Variants in FAM107B observed in about 807,000 individuals in gnomAD.
FAM107B encodes family with sequence similarity 107 member B.
In FAM107B, 21 loss-of-function variants were observed where a neutral mutation model predicts 31.5. The ratio of observed to expected loss-of-function variants is 0.67; its 90% CI spans 0.47 to 0.96. The LOEUF is 0.96. FAM107B is among the 40% of genes least tolerant of loss of function. The pLI, the probability that FAM107B is intolerant of heterozygous loss-of-function variation, is 0.00. For synonymous variants in FAM107B, 157 were observed against 141.5 expected (o/e 1.11, Z -0.78); for missense variants, 452 against 377.1 (o/e 1.20, Z -1.64).
intron 1 of FAM107B, among the ~76,000 whole-genome samples, chr10:14,700,225 G>A (rs549305033): frequency 3.4e-4 from 52 of 152,228 alleles, no homozygotes; most frequent in African/African-American, 8.7e-4. Flanking sequence ...GAGCCACCGC[G>A]CCAGGCCAGG....
chr10:14,645,641 C>T (rs940613059), intron 2 of FAM107B, among the ~76,000 whole-genome samples: 11 of 152,304 alleles, frequency 7.2e-5, no homozygotes, highest in East Asian at 1.9e-4. Flanking sequence ...GCTACTGAGA[C>T]GTATTTTTCT....
intron 2 of FAM107B, among the ~76,000 whole-genome samples, chr10:14,584,612 T>G (rs930588203): frequency 3.9e-5 from 6 of 152,150 alleles, no homozygotes; most frequent in African/African-American, 1.4e-4. Context: ...TGCAGTGCTC[T>G]CCCTACAATT....
chr10:14,548,547 C>G lies in FAM107B; in HGVS notation c.470-18032G>C, dbSNP rs1029977424. The stretch of plus-strand genomic sequence containing the variant: ...TTGGAGGTGGCAGGAGGAACCTGGG[C>G]TCTTCTCCTAGCCCTGCCTCAGCTG... On this transcript the variant is annotated intron_variant, in intron 2 of 4. Coordinates refer to ENST00000181796, the MANE Select transcript of FAM107B (RefSeq NM_031453.4). 5.1e-6 allele frequency: 5 copies of G among 985,358 alleles called. No homozygotes were observed. In the African/African-American group the frequency reaches 8.7e-5, roughly 17 times the overall value. 61.0% of individuals were successfully genotyped at this position (985,358 alleles called of 1,614,324 possible).
chr10:14,711,923 T>G (rs1257471720), intron 1 of FAM107B, among the ~76,000 whole-genome samples: 3 of 152,168 alleles, frequency 2.0e-5, no homozygotes, highest in African/African-American at 7.2e-5. Flanking sequence ...GGATTACAGG[T>G]GTGCGCCACC....
chr10:14,667,921 T>C (rs1471506990), intron 1 of FAM107B, among the ~76,000 whole-genome samples: 2 of 152,202 alleles, frequency 1.3e-5, no homozygotes. Flanking sequence ...CAGGGTGCTA[T>C]TCACATGGTA....
At chr10:14,528,173 G>GGT (rs1491405325) in intron 3 of FAM107B, 1 of 78,628 alleles carries the variant, frequency 1.3e-5, no homozygotes, top group Non-Finnish European at 2.4e-5. Flanking sequence ...TTTAAGTTTT[G>GGT]GTTTTTTTTT....
chr10:14,616,165 A>AGT (rs1852844859), intron 2 of FAM107B, among the ~76,000 whole-genome samples: 1 of 152,198 alleles, frequency 6.6e-6, no homozygotes, highest in Non-Finnish European at 1.5e-5. Context: ...CTTGTGGATG[A>AGT]CTGAACTGAG....
chr10:14,585,800 A>C (rs953690763), intron 2 of FAM107B, among the ~76,000 whole-genome samples: 1 of 152,124 alleles, frequency 6.6e-6, no homozygotes, highest in African/African-American at 2.4e-5. Context: ...ACACATAACA[A>C]ATACTTCTCT....
chr10:14,632,455 CA>C (rs1467109702), intron 2 of FAM107B, among the ~76,000 whole-genome samples: 1 of 151,134 alleles, frequency 6.6e-6, no homozygotes, highest in Non-Finnish European at 1.5e-5. Context: ...ACTAAAAATA[CA>C]AAATATTAGC....
intron 1 of FAM107B, among the ~76,000 whole-genome samples, chr10:14,689,154 C>G (rs1021911694): frequency 3.3e-5 from 5 of 151,954 alleles, no homozygotes; most frequent in Non-Finnish European, 7.4e-5. Flanking sequence ...TAATGGTGGA[C>G]AGACTGCTTG....
intron 1 of FAM107B, among the ~76,000 whole-genome samples, chr10:14,731,891 C>A (rs1469831005): frequency 6.6e-6 from 1 of 152,198 alleles, no homozygotes; most frequent in African/African-American, 2.4e-5. Flanking sequence ...GATGTTCACA[C>A]AACGATAAAA....
intron 2 of FAM107B, among the ~76,000 whole-genome samples, chr10:14,545,990 A>C (rs904635610): frequency 1.3e-5 from 2 of 152,254 alleles, no homozygotes; most frequent in African/African-American, 4.8e-5. Context: ...GCTAGCTTTC[A>C]AAGCCCTCAA....
rs180707428 is a variant in FAM107B, at chr10:14,518,943, G to A, written c.*2247C>T. 1 of 152,618 alleles carries A rather than the reference G, an allele frequency of 6.6e-6. No individual in the cohort carries two copies. Among genetic ancestry groups the A allele is most frequent in the East Asian group, 1.9e-4 (1 of 5,190 alleles). The allele number at this position is 152,618 out of a possible 1,614,324, so 9.5% of individuals were successfully genotyped here. Reference sequence around the variant, plus strand: ...GAGTTTGGGCTGCACAGTATTAAGGGGTGAGAGGAGACCGACAGCCTGTTT... The same window carrying A: ...GAGTTTGGGCTGCACAGTATTAAGGAGTGAGAGGAGACCGACAGCCTGTTT... On this transcript the variant is annotated 3_prime_UTR_variant, in exon 5 of 5. Transcript: ENST00000181796.
At chr10:14,526,511 T>G (rs1413584477) in intron 3 of FAM107B, among the ~76,000 whole-genome samples, 1 of 152,232 alleles carries the variant, frequency 6.6e-6, no homozygotes, top group African/African-American at 2.4e-5. Flanking sequence ...CTTGTAATCT[T>G]TGGTTTGGCC....
intron 2 of FAM107B, among the ~76,000 whole-genome samples, chr10:14,547,782 CAAT>C (rs1266419620): frequency 1.3e-5 from 2 of 152,168 alleles, no homozygotes; most frequent in African/African-American, 4.8e-5. Context: ...ACAACGGTAA[CAAT>C]GATGTGTTTT....
intron 3 of FAM107B, among the ~76,000 whole-genome samples, chr10:14,524,781 C>T (rs1271579206): frequency 2.0e-5 from 3 of 152,142 alleles, no homozygotes; most frequent in Non-Finnish European, 2.9e-5. Context: ...ATTTTTCTTT[C>T]CCTACATTTC....
At chr10:14,556,270 G>C in intron 2 of FAM107B, 1 of 852,472 alleles carries the variant, frequency 1.2e-6, no homozygotes, top group Non-Finnish European at 1.4e-6. Context: ...CGACTGACTG[G>C]AAGGCCAGTA....
chr10:14,556,806 A>G (rs1377516724), intron 2 of FAM107B, among the ~76,000 whole-genome samples: 4 of 152,228 alleles, frequency 2.6e-5, no homozygotes, highest in African/African-American at 7.2e-5. Context: ...CTTTCCCCCC[A>G]TGGGATTGTC....
At chr10:14,723,842 C>G (rs1260977378) in intron 1 of FAM107B, 2 of 756,122 alleles carry the variant, frequency 2.6e-6, no homozygotes, top group African/African-American at 3.4e-5. Context: ...CTGACATCAG[C>G]AGGGTTTTCA....
Sources: allele counts gnomAD v4.1 joint callset (sites outside exome capture counted in the v4.1 genomes callset), GRCh38; gene constraint gnomAD v4.1.1; transcripts MANE v1.5; gene names NCBI Gene and HGNC (gene_info 2026-07-23, HGNC 2026-07-21).